Variants in C12orf42 observed in about 807,000 individuals in gnomAD.
C12orf42 encodes the protein uncharacterized protein C12orf42.
Under a neutral mutation model 21.6 loss-of-function variants are expected in C12orf42, and 25 were observed. That is an observed-to-expected ratio of 1.16 (90% confidence interval 0.84 to 1.62). The LOEUF is 1.62. Among genes scored for constraint, C12orf42 ranks in the 40% most tolerant of loss-of-function variants. C12orf42 has a pLI of 0.00. For missense variants in C12orf42, 483 were observed against 459.3 expected (o/e 1.05, Z -0.47); for synonymous variants, 174 against 175.0 (o/e 0.99, Z 0.05).
chr12:103,106,212 C>A, the C12orf42 span, among the ~76,000 whole-genome samples: 1 of 151,944 alleles, frequency 6.6e-6, no homozygotes, highest in Non-Finnish European at 1.5e-5. Flanking sequence ...CCTAACTCAA[C>A]TAACACTTAA....
chr12:103,289,479 A>G (rs1189450293), intron 4 of C12orf42, among the ~76,000 whole-genome samples: 4 of 152,182 alleles, frequency 2.6e-5, no homozygotes, highest in Non-Finnish European at 2.9e-5. Context: ...TAATTAGAGG[A>G]GCAGATAACA....
At chr12:103,320,797 C>T (rs1010797237) in intron 4 of C12orf42, among the ~76,000 whole-genome samples, 6 of 152,060 alleles carry the variant, frequency 3.9e-5, no homozygotes, top group African/African-American at 1.4e-4. Flanking sequence ...TGCTTATGCT[C>T]ACAACAATCT....
chr12:103,090,020 C>A, the C12orf42 span, among the ~76,000 whole-genome samples: 1 of 152,308 alleles, frequency 6.6e-6, no homozygotes, highest in Non-Finnish European at 1.5e-5. Flanking sequence ...GCCAGCAGGG[C>A]AGCTCCTGCA....
At chr12:103,217,090 G>A in the C12orf42 span, among the ~76,000 whole-genome samples, 29 of 152,036 alleles carry the variant, frequency 1.9e-4, no homozygotes, top group Admixed American at 1.7e-3. Context: ...TGATCTCCCC[G>A]CCTCGACCTC....
chr12:103,183,679 C>T, the C12orf42 span, among the ~76,000 whole-genome samples: 1 of 151,978 alleles, frequency 6.6e-6, no homozygotes, highest in Non-Finnish European at 1.5e-5. Context: ...GATTTTTCCT[C>T]TTTTCTAATG....
At chr12:103,449,741 T>A (rs1368845645) in intron 2 of C12orf42, among the ~76,000 whole-genome samples, 1 of 151,640 alleles carries the variant, frequency 6.6e-6, no homozygotes, top group African/African-American at 2.4e-5. Context: ...TTCAGGAGTA[T>A]CCTGGTCATT....
rs547701103 is a variant in C12orf42 at position 103,243,234 on chromosome 12, C to T, written c.*1367-5332G>A. On this transcript the variant is annotated intron_variant and NMD_transcript_variant, in intron 10 of 10. Coordinates refer to the C12orf42 transcript ENST00000547347. ...CAGAGATGAGGTCTCACTATATTGC[C>T]GAGGCTGATCTCATACTCCTGGACT... Among the ~76,000 whole-genome samples, 7 of 151,980 alleles carry T rather than the reference C, an allele frequency of 4.6e-5. No homozygotes were observed. The South Asian group carries it at 6.2e-4, about 14-fold the overall frequency.
chr12:103,345,302 C>A (rs1221365251), intron 4 of C12orf42, among the ~76,000 whole-genome samples: 1 of 152,132 alleles, frequency 6.6e-6, no homozygotes, highest in South Asian at 2.1e-4. Flanking sequence ...AATAATAGGA[C>A]CTTACTCATA....
chr12:103,393,880 T>C (rs923776608), intron 3 of C12orf42, among the ~76,000 whole-genome samples: 1 of 152,346 alleles, frequency 6.6e-6, no homozygotes, highest in South Asian at 2.1e-4. Context: ...TCTAGCTTTA[T>C]GCTCTATGAC....
At chr12:103,117,869 G>A in the C12orf42 span, among the ~76,000 whole-genome samples, 1 of 152,124 alleles carries the variant, frequency 6.6e-6, no homozygotes, top group Admixed American at 6.5e-5. Context: ...CAGCTTATTA[G>A]CCTCATAGTC....
intron 3 of C12orf42, among the ~76,000 whole-genome samples, chr12:103,401,059 C>T (rs942710540): frequency 6.6e-6 from 1 of 152,176 alleles, no homozygotes; most frequent in Non-Finnish European, 1.5e-5. Flanking sequence ...ACTTGCCAGC[C>T]ATGGTGACCA....
chr12:103,242,497 CCTGT>C (rs1345737579), intron 10 of C12orf42, among the ~76,000 whole-genome samples: 2 of 151,734 alleles, frequency 1.3e-5, no homozygotes. Flanking sequence ...AATACTTCAC[CCTGT>C]CTTTTTAAAA....
At chr12:103,220,330 G>A in the C12orf42 span, among the ~76,000 whole-genome samples, 17 of 152,008 alleles carry the variant, frequency 1.1e-4, no homozygotes, top group Non-Finnish European at 2.1e-4. Flanking sequence ...AACCACCATG[G>A]CATGTGTATA....
At chr12:103,508,056 T>A in the C12orf42 span, among the ~76,000 whole-genome samples, 1 of 152,178 alleles carries the variant, frequency 6.6e-6, no homozygotes, top group African/African-American at 2.4e-5. Context: ...CCAAATGTTA[T>A]CCATACAATG....
the C12orf42 span, among the ~76,000 whole-genome samples, chr12:103,079,906 A>C: frequency 1.4e-4 from 21 of 152,352 alleles, no homozygotes; most frequent in Middle Eastern, 3.4e-3. Flanking sequence ...CAATGATGGT[A>C]AATAAATGTA....
chr12:103,221,711 T>C, the C12orf42 span, among the ~76,000 whole-genome samples: 101 of 152,346 alleles, frequency 6.6e-4, no homozygotes, highest in African/African-American at 2.4e-3. Flanking sequence ...CCTCATTTTA[T>C]GGCCGTGGAC....
At chr12:103,402,901 A>T (rs2048127673) in intron 2 of C12orf42, among the ~76,000 whole-genome samples, 2 of 152,192 alleles carry the variant, frequency 1.3e-5, no homozygotes, top group Non-Finnish European at 1.5e-5. Context: ...CATAGATTTC[A>T]CAGCACTGAA....
At chr12:103,562,451 C>T in the C12orf42 span, among the ~76,000 whole-genome samples, 1 of 152,194 alleles carries the variant, frequency 6.6e-6, no homozygotes, top group Non-Finnish European at 1.5e-5. Context: ...TATCATTATC[C>T]TCATTCTGCC....
At chr12:103,235,338 T>C (rs1052212855), downstream of C12orf42, among the ~76,000 whole-genome samples, 6 of 152,126 alleles carry the variant, frequency 3.9e-5, no homozygotes, top group Non-Finnish European at 7.4e-5. Context: ...AGAGATTCAA[T>C]ATGAGGGTCA....
Sources: allele counts gnomAD v4.1 joint callset (sites outside exome capture counted in the v4.1 genomes callset), GRCh38; gene constraint gnomAD v4.1.1; transcripts MANE v1.5; gene names NCBI Gene and HGNC (gene_info 2026-07-23, HGNC 2026-07-21).